TNFSF4: variants seen among roughly 807,000 people sequenced by gnomAD.
TNFSF4 encodes tumor necrosis factor ligand superfamily member 4.
In TNFSF4, 4 loss-of-function variants were observed where a neutral mutation model predicts 7.3. The observed-to-expected ratio is 0.55, with a 90% CI of 0.27 to 1.25. TNFSF4 has a LOEUF of 1.25. Ranked by LOEUF, TNFSF4 falls within the 50% of genes most tolerant of loss-of-function variation. The pLI is 0.12. For missense variants in TNFSF4, 181 were observed against 208.8 expected, an observed-to-expected ratio of 0.87 and a Z score of 0.82; for synonymous variants, 76 against 83.7, an observed-to-expected ratio of 0.91 and a Z score of 0.50.
chr1:173,398,409 CTTTT>C, the TNFSF4 span, among the ~76,000 whole-genome samples: 2 of 101,570 alleles, frequency 2.0e-5, no homozygotes, highest in Admixed American at 1.1e-4. Context: ...TATTTCTTTT[CTTTT>C]TTTTTTTTTT....
At chr1:173,245,622 C>T in the TNFSF4 span, among the ~76,000 whole-genome samples, 11 of 152,268 alleles carry the variant, frequency 7.2e-5, no homozygotes, top group East Asian at 2.1e-3. Context: ...TCTCTTCTAG[C>T]TATTTTGAAA....
the TNFSF4 span, among the ~76,000 whole-genome samples, chr1:173,305,541 C>T: frequency 6.6e-6 from 1 of 151,792 alleles, no homozygotes; most frequent in African/African-American, 2.4e-5. Context: ...TTTCTTGAAC[C>T]AGTTGGACAA....
chr1:173,228,803 T>C, the TNFSF4 span, among the ~76,000 whole-genome samples: 1 of 152,302 alleles, frequency 6.6e-6, no homozygotes, highest in East Asian at 1.9e-4. Context: ...CAGTAGCTGA[T>C]TCAATCAACT....
At chr1:173,219,408 G>C in the TNFSF4 span, among the ~76,000 whole-genome samples, 1 of 152,060 alleles carries the variant, frequency 6.6e-6, no homozygotes, top group Non-Finnish European at 1.5e-5. Context: ...CATCTGTTTT[G>C]TTGGCTTGAA....
At chr1:173,402,068 T>C in the TNFSF4 span, among the ~76,000 whole-genome samples, 14,662 of 152,270 alleles carry the variant, frequency 0.096, 840 homozygotes, top group East Asian at 0.28. Flanking sequence ...TTTTTAACCA[T>C]TGGCCTCAAA....
the TNFSF4 span, among the ~76,000 whole-genome samples, chr1:173,339,200 G>A: frequency 2.6e-5 from 4 of 152,010 alleles, no homozygotes; most frequent in African/African-American, 9.7e-5. Flanking sequence ...GCAACATAGC[G>A]AGACCTCATC....
the TNFSF4 span, among the ~76,000 whole-genome samples, chr1:173,235,425 G>T: frequency 6.6e-6 from 1 of 150,822 alleles, no homozygotes; most frequent in African/African-American, 2.4e-5. Context: ...GATTCCAGGT[G>T]GGTCCACCCC....
chr1:173,220,430 G>A, the TNFSF4 span, among the ~76,000 whole-genome samples: 1 of 152,120 alleles, frequency 6.6e-6, no homozygotes. Flanking sequence ...CAAATACAGT[G>A]CCTACTCTCT....
At chr1:173,179,875 T>C (rs141164319), downstream of TNFSF4, among the ~76,000 whole-genome samples, 408 of 152,300 alleles carry the variant, frequency 2.7e-3, 5 homozygotes, top group African/African-American at 9.5e-3. Flanking sequence ...ATTGGTCATA[T>C]AGTCTTGGAT....
chr1:173,191,339 A>G (rs1419532628), intron 1 of TNFSF4, among the ~76,000 whole-genome samples: 2 of 152,234 alleles, frequency 1.3e-5, no homozygotes, highest in Non-Finnish European at 2.9e-5. Context: ...TGAAGGTCAC[A>G]TAGGGGTAGA....
chr1:173,283,445 G>A, the TNFSF4 span, among the ~76,000 whole-genome samples: 2 of 152,116 alleles, frequency 1.3e-5, no homozygotes, highest in Non-Finnish European at 2.9e-5. Flanking sequence ...GATTCCCACA[G>A]TAAGCCAGAA....
chr1:173,273,323 A>G, the TNFSF4 span, among the ~76,000 whole-genome samples: 1 of 152,108 alleles, frequency 6.6e-6, no homozygotes, highest in African/African-American at 2.4e-5. Flanking sequence ...GTTGCTCCTG[A>G]TACGGACTTT....
the TNFSF4 span, chr1:173,418,735 C>T: frequency 4.0e-5 from 6 of 151,574 alleles, no homozygotes; most frequent in South Asian, 2.1e-4. Context: ...ACTCCAAGAC[C>T]GGGCTTCCAC....
the TNFSF4 span, among the ~76,000 whole-genome samples, chr1:173,412,729 A>G: frequency 6.6e-6 from 1 of 152,208 alleles, no homozygotes; most frequent in African/African-American, 2.4e-5. Context: ...ATGGTAACAG[A>G]AGTCGGAATA....
chr1:173,211,983 T>A (rs1424669797), upstream of TNFSF4, among the ~76,000 whole-genome samples: 1 of 152,228 alleles, frequency 6.6e-6, no homozygotes, highest in African/African-American at 2.4e-5. Context: ...CTCACAATTC[T>A]GACGGCTGCA....
chr1:173,225,971 T>A, the TNFSF4 span, among the ~76,000 whole-genome samples: 31 of 152,326 alleles, frequency 2.0e-4, no homozygotes, highest in African/African-American at 7.5e-4. Context: ...CCTAGTAAAC[T>A]CTCACTGTGT....
the TNFSF4 span, among the ~76,000 whole-genome samples, chr1:173,394,874 T>C: frequency 6.6e-6 from 1 of 151,892 alleles, no homozygotes; most frequent in African/African-American, 2.4e-5. Context: ...TCCACAATCA[T>C]GTGAGCCAAT....
At chr1:173,440,209 ACTGT>A in the TNFSF4 span, among the ~76,000 whole-genome samples, 32 of 152,122 alleles carry the variant, frequency 2.1e-4, no homozygotes, top group Admixed American at 1.8e-3. Flanking sequence ...CGACCTTTAC[ACTGT>A]CTGTCTTTCA....
the TNFSF4 span, among the ~76,000 whole-genome samples, chr1:173,243,704 G>A: frequency 1.3e-5 from 2 of 152,106 alleles, no homozygotes; most frequent in African/African-American, 4.8e-5. Context: ...CATGCCTACT[G>A]ATCAACACAC....
Sources: gnomAD v4.1 joint callset for allele counts (sites outside exome capture counted in the v4.1 genomes callset) on GRCh38, gnomAD v4.1.1 for gene constraint, MANE v1.5 for transcripts, NCBI Gene and HGNC (gene_info 2026-07-23, HGNC 2026-07-21) for gene names.